FKBP7: variants seen among roughly 807,000 people sequenced by gnomAD.
The protein encoded by FKBP7 is peptidyl-prolyl cis-trans isomerase FKBP7.
A neutral mutation model predicts 24.3 loss-of-function variants in FKBP7; 24 were observed. That is an observed-to-expected ratio of 0.99 (90% CI 0.72 to 1.39). The LOEUF (loss-of-function observed/expected upper bound fraction) is 1.39, where lower values mean the gene tolerates loss of function less well. FKBP7 is among the 40% of genes most tolerant of loss of function. The pLI is 0.00. For missense variants in FKBP7, 257 were observed against 269.5 expected, an observed-to-expected ratio of 0.95 and a Z score of 0.33; for synonymous variants, 98 against 92.8, an observed-to-expected ratio of 1.06 and a Z score of -0.32.
chr2:178,477,242 C>A lies in FKBP7; in HGVS notation c.222-29G>T, dbSNP rs768119717. On this transcript the variant is annotated intron_variant, in intron 1 of 3. Coordinates refer to ENST00000424785, the MANE Select transcript of FKBP7 (RefSeq NM_181342.3). ...TAACAAAAAGCAATACTTAAGTAAA[C>A]TGATTTCAAGAAATCAAACTTGAAA... is the stretch of plus-strand genomic sequence containing the variant. The A allele has an allele frequency of 1.9e-6, 3 of 1,598,414 alleles. No homozygotes were observed. The South Asian group carries it at 3.4e-5, about 18-fold the overall frequency.
At chr2:178,473,044 T>A in intron 2 of FKBP7, 1 of 1,297,880 alleles carries the variant, frequency 7.7e-7, no homozygotes, top group Non-Finnish European at 1.0e-6. Context: ...GTATTGTTAT[T>A]TAAGCACTAA....
intron 2 of FKBP7, among the ~76,000 whole-genome samples, chr2:178,475,234 T>C (rs1684967341): frequency 1.3e-5 from 2 of 151,960 alleles, no homozygotes; most frequent in Non-Finnish European, 2.9e-5. Context: ...ACGTGCATTT[T>C]CACTTTTTTT....
chr2:178,478,280 T>C lies in FKBP7; in HGVS notation c.220A>G (p.Ser74Gly). ...LAKDGSKFYC[S>G]RTQNEGHPKW... is the part of the protein sequence containing the mutation. Reference sequence around the variant, plus strand: ...CGGGCAGCTCGCAGCATTTCCTACCTGCAGTAGAATTTCGAGCCGTCTTTA... The same window carrying C: ...CGGGCAGCTCGCAGCATTTCCTACCCGCAGTAGAATTTCGAGCCGTCTTTA... Residue 74 changes from serine (S) to glycine (G), a missense_variant and splice_region_variant, in exon 1 of 4, where the codon AGC becomes GGC. Coordinates refer to ENST00000424785, the MANE Select transcript of FKBP7 (RefSeq NM_181342.3). The C allele has an allele frequency of 1.2e-6, 2 of 1,614,050 alleles. No individual in the cohort carries two copies. Among genetic ancestry groups the C allele is most frequent in the Non-Finnish European group, 1.7e-6 (2 of 1,179,986 alleles).
intron 3 of FKBP7, chr2:178,467,981 C>G (rs564854270): frequency 6.6e-6 from 1 of 152,218 alleles, no homozygotes; most frequent in African/African-American, 2.4e-5. Context: ...TTCTTAAGAA[C>G]AGGACATGTT....
intron 3 of FKBP7, among the ~76,000 whole-genome samples, chr2:178,467,514 C>T (rs1684706567): frequency 1.3e-5 from 2 of 152,122 alleles, no homozygotes; most frequent in African/African-American, 4.8e-5. Context: ...ATTAACCTCT[C>T]TGAACCTCAG....
rs1351294375 is a variant in FKBP7, at chr2:178,464,685, A to G, written c.*1085T>C. 2.6e-5 allele frequency: 4 copies of G among 152,370 alleles called. No homozygotes were observed. Among genetic ancestry groups the G allele is most frequent in the Non-Finnish European group, 4.4e-5 (3 of 68,028 alleles). 9.4% of individuals were successfully genotyped at this position (152,370 alleles called of 1,614,324 possible). ...GACACAAAGCCTGACCATACCATGC[A>G]GTATGCAAAATCTATGTTCCGATAG... On this transcript the variant is annotated 3_prime_UTR_variant, in exon 4 of 4. Coordinates refer to ENST00000424785, the MANE Select transcript of FKBP7 (RefSeq NM_181342.3).
intron 2 of FKBP7, among the ~76,000 whole-genome samples, chr2:178,475,261 G>A (rs781609917): frequency 5.3e-5 from 8 of 151,386 alleles, no homozygotes; most frequent in Admixed American, 2.6e-4. Flanking sequence ...ATGGAGTCTC[G>A]CTCTGTTGCC....
intron 3 of FKBP7, among the ~76,000 whole-genome samples, chr2:178,467,592 T>C (rs1259118574): frequency 6.6e-6 from 1 of 152,204 alleles, no homozygotes; most frequent in Non-Finnish European, 1.5e-5. Context: ...ATTAGAATAA[T>C]GATTATGGCC....
chr2:178,463,799 C>CA lies in FKBP7; in HGVS notation c.*1970dup, dbSNP rs980214315. The CA allele has an allele frequency of 2.0e-5, 3 of 151,824 alleles. No homozygotes were observed. Among genetic ancestry groups the CA allele is most frequent in the South Asian group, 2.1e-4 (1 of 4,810 alleles). 9.4% of individuals were successfully genotyped at this position (151,824 alleles called of 1,614,324 possible). The stretch of plus-strand genomic sequence containing the variant: ...AAAAGCACTTTGTATGATAATGGGA[C>CA]AAAAAAATTAGAATTACAAAGTTTA... On this transcript the variant is annotated 3_prime_UTR_variant, in exon 4 of 4. Transcript: ENST00000424785.
Position 178,477,151 on chromosome 2 carries a change from C to T in FKBP7, c.284G>A (p.Gly95Asp). ...FVLGVGQVIKGLDIAMTDMCP... is the reference protein window; with the variant it reads ...FVLGVGQVIKDLDIAMTDMCP... The stretch of plus-strand genomic sequence containing the variant: ...CATATCTGTCATAGCAATGTCTAGG[C>T]CTTTTATGACTTGCCCAACACCAAG... Residue 95 changes from glycine (G) to aspartate (D), a missense_variant, in exon 2 of 4, where the codon GGC (glycine) becomes GAC (aspartate). Transcript: ENST00000424785. The T allele has an allele frequency of 6.2e-7, 1 of 1,613,004 alleles. No homozygotes were observed. The highest frequency in any genetic ancestry group is 8.5e-7 in the Non-Finnish European group (1 of 1,179,458).
At chr2:178,466,802 A>T (rs573498890) in intron 3 of FKBP7, among the ~76,000 whole-genome samples, 1 of 152,336 alleles carries the variant, frequency 6.6e-6, no homozygotes, top group African/African-American at 2.4e-5. Context: ...TTTGGAAAGC[A>T]CTAATCCTTA....
In FKBP7 at chr2:178,465,727, G is replaced by A; in HGVS notation, c.*43C>T. On this transcript the variant is annotated 3_prime_UTR_variant, in exon 4 of 4. Coordinates refer to ENST00000424785, the MANE Select transcript of FKBP7 (RefSeq NM_181342.3). ...AAAGTGACTTTGTTTTATACATAAAGTACAGTAAATAGCTAAAAAAAAAAA... is the reference window on the plus strand; with the variant it reads ...AAAGTGACTTTGTTTTATACATAAAATACAGTAAATAGCTAAAAAAAAAAA... The A allele has an allele frequency of 1.3e-6, 2 of 1,490,172 alleles. No homozygotes were observed. The highest frequency in any genetic ancestry group is 1.8e-6 in the Non-Finnish European group (2 of 1,121,984). 92.3% of individuals were successfully genotyped at this position (1,490,172 alleles called of 1,614,324 possible).
chr2:178,476,936 T>C (rs1575137792), intron 2 of FKBP7, 126 bp downstream of exon 2: 1 of 668,196 alleles, frequency 1.5e-6, no homozygotes, highest in Non-Finnish European at 2.4e-6. Context: ...ATGGCTGCTA[T>C]GAGCATGGCT....
At position 178,469,199 on chromosome 2, in the gene FKBP7, T is replaced by C. The variant is rs374461977; in HGVS notation, c.507+453A>G. 2.0e-5 allele frequency among the ~76,000 whole-genome samples: 3 copies of C among 152,294 alleles called. No homozygotes were observed. The East Asian group carries it at 5.8e-4, about 29-fold the overall frequency. On this transcript the variant is annotated intron_variant, in intron 3 of 3. Coordinates refer to ENST00000424785, the MANE Select transcript of FKBP7 (RefSeq NM_181342.3). ...TATCATTATTATTACAAGATCTTTATTACAAGGCTGAGATACAGACGCTAG... is the reference window on the plus strand; with the variant it reads ...TATCATTATTATTACAAGATCTTTACTACAAGGCTGAGATACAGACGCTAG...
In FKBP7 at chr2:178,470,125, T is replaced by C. The variant is rs551019336; in HGVS notation, c.374-340A>G. 1.5e-3 allele frequency among the ~76,000 whole-genome samples: 221 copies of C among 152,340 alleles called. 5 individuals are homozygous for C. The South Asian group carries it at 0.022, about 15-fold the overall frequency. On this transcript the variant is annotated intron_variant, in intron 2 of 3. Coordinates refer to ENST00000424785, the MANE Select transcript of FKBP7 (RefSeq NM_181342.3). ...TTATTAATGCATGGATATGACCCTC[T>C]ATATCTGTGGGTTCTGCATCTGTGG...
At chr2:178,471,793 A>G (rs1176154229) in intron 2 of FKBP7, among the ~76,000 whole-genome samples, 1 of 152,216 alleles carries the variant, frequency 6.6e-6, no homozygotes, top group Non-Finnish European at 1.5e-5. Flanking sequence ...TAGTCTGAAG[A>G]GAAAAGAGTT....
At chr2:178,469,981 C>CT (rs11370298) in intron 2 of FKBP7, among the ~76,000 whole-genome samples, 196 bp from the exon 3 acceptor site, 1,683 of 146,032 alleles carry the variant, frequency 0.012, 33 homozygotes, top group African/African-American at 0.04. Flanking sequence ...TTTTTTTTCT[C>CT]TTTTTTTTAT....
chr2:178,477,677 T>C (rs1017312946), intron 1 of FKBP7, among the ~76,000 whole-genome samples: 4 of 152,084 alleles, frequency 2.6e-5, no homozygotes, highest in Admixed American at 6.5e-5. Context: ...TAAATTCTTA[T>C]TAAATTTCTC....
At chr2:178,471,128 G>A (rs1056947846) in intron 2 of FKBP7, among the ~76,000 whole-genome samples, 2 of 151,852 alleles carry the variant, frequency 1.3e-5, no homozygotes, top group Non-Finnish European at 1.5e-5. Flanking sequence ...GCCTCCCTAA[G>A]TGCTAGGATT....
Sources: gnomAD v4.1 joint callset for allele counts (sites outside exome capture counted in the v4.1 genomes callset) on GRCh38, gnomAD v4.1.1 for gene constraint, MANE v1.5 for transcripts, NCBI Gene and HGNC (gene_info 2026-07-23, HGNC 2026-07-21) for gene names.